The following ACTR3B variants were observed in gnomAD, a reference collection of about 807,000 sequenced individuals.
ACTR3B encodes the protein actin related protein 3B.
ACTR3B carries 8 observed loss-of-function variants against 59.0 expected under a neutral mutation model. The observed-to-expected ratio is 0.14, with a 90% CI of 0.08 to 0.24. The LOEUF (loss-of-function observed/expected upper bound fraction) is 0.24, where lower values mean the gene tolerates loss of function less well. Among genes scored for constraint, ACTR3B ranks in the 10% least tolerant of loss-of-function variants. The pLI, the probability that ACTR3B is intolerant of heterozygous loss-of-function variation, is 1.00. For missense variants in ACTR3B, 245 were observed against 552.3 expected (o/e 0.44, Z 5.58); for synonymous variants, 148 against 197.9 (o/e 0.75, Z 2.12).
At chr7:152,791,211 G>T (rs955661409) in intron 2 of ACTR3B, among the ~76,000 whole-genome samples, 7 of 151,790 alleles carry the variant, frequency 4.6e-5, no homozygotes, top group Admixed American at 1.3e-4. Context: ...GGGTTTCATT[G>T]TGTTGCCCAG....
chr7:152,825,610 C>A (rs1237385401), intron 9 of ACTR3B, among the ~76,000 whole-genome samples: 1 of 152,140 alleles, frequency 6.6e-6, no homozygotes, highest in East Asian at 1.9e-4. Flanking sequence ...AGCCACCATG[C>A]CCGGCCAACT....
chr7:152,828,806 G>A (rs1423660442), intron 9 of ACTR3B, among the ~76,000 whole-genome samples: 1 of 151,868 alleles, frequency 6.6e-6, no homozygotes, highest in Non-Finnish European at 1.5e-5. Context: ...TGGTTCCACA[G>A]CCTCATTTGG....
intron 6 of ACTR3B, among the ~76,000 whole-genome samples, chr7:152,818,341 A>G (rs142496886): frequency 0.024 from 3,724 of 152,348 alleles, 149 homozygotes; most frequent in African/African-American, 0.083. Context: ...TAAAAATTAC[A>G]TTAGTCATTG....
intron 2 of ACTR3B, among the ~76,000 whole-genome samples, chr7:152,792,792 A>T (rs989261377): frequency 1.5e-4 from 23 of 151,984 alleles, no homozygotes; most frequent in African/African-American, 4.8e-4. Flanking sequence ...AACAACAAAA[A>T]TAATGGACTG....
In ACTR3B at chr7:152,825,121, A is replaced by G; in HGVS notation, c.950A>G (p.Lys317Arg). ...CPIDVRRPLY[K>R]NVVLSGGSTM... ...ATCGATGTGCGGCGCCCGCTGTATA[A>G]GGTATGAGCTGCCTGGGTAAGGTAC... The change falls in exon 9 of 12, where the codon AAG becomes AGG. Residue 317 changes from lysine (K) to arginine (R), a missense_variant and splice_region_variant. Physicochemically the swap from Lys to Arg is conservative, Grantham distance 26. Transcript: ENST00000256001. 1 of 1,612,048 alleles carries G rather than the reference A, an allele frequency of 6.2e-7. No individual in the cohort carries two copies. Among genetic ancestry groups the G allele is most frequent in the Non-Finnish European group, 8.5e-7 (1 of 1,179,370 alleles).
chr7:152,820,559 G>A lies in ACTR3B; in HGVS notation c.684+117G>A, dbSNP rs2116853981. On this transcript the variant is annotated intron_variant, in intron 7 of 11. Coordinates refer to ENST00000256001, the MANE Select transcript of ACTR3B (RefSeq NM_020445.6). ...TCCTTCCTCTCCCCTTCCCATGAAT[G>A]TGGGGCTTGATTTGTTTTACCCCTT... The A allele has an allele frequency of 2.0e-6, 3 of 1,463,784 alleles. No individual in the cohort carries two copies. The East Asian group carries it at 7.5e-5, about 36-fold the overall frequency. The allele number at this position is 1,463,784 out of a possible 1,614,324, so 90.7% of individuals were successfully genotyped here.
Position 152,795,846 on chromosome 7 carries a change from G to GTT in ACTR3B, c.101-4672_101-4671dup, listed in dbSNP as rs1211375355. ...TCTGAAAGGCAACTTAGTAGCTCTTGTTTTTTTTTTTTTTGGAGGCGGTGT... is the reference window on the plus strand; with the variant it reads ...TCTGAAAGGCAACTTAGTAGCTCTTGTTTTTTTTTTTTTTTTGGAGGCGGTGT... On this transcript the variant is annotated intron_variant, in intron 2 of 11. Transcript: ENST00000256001. 5.9e-3 allele frequency among the ~76,000 whole-genome samples: 820 copies of GTT among 139,760 alleles called. 2 individuals are homozygous for GTT. Among genetic ancestry groups the GTT allele is most frequent in the Middle Eastern group, 0.011 (3 of 268 alleles). 91.7% of individuals were successfully genotyped at this position (139,760 alleles called of 152,430 possible). A position where few individuals can be genotyped will look rare whatever the true frequency, so the allele number is the denominator to read the frequency against.
intron 1 of ACTR3B, among the ~76,000 whole-genome samples, chr7:152,770,446 A>G (rs1383772150): frequency 6.6e-6 from 1 of 151,604 alleles, no homozygotes; most frequent in Non-Finnish European, 1.5e-5. Context: ...AAAATATAGC[A>G]GGGCATGCTG....
At chr7:152,832,476 A>G (rs1174242216) in intron 9 of ACTR3B, among the ~76,000 whole-genome samples, 1 of 152,344 alleles carries the variant, frequency 6.6e-6, no homozygotes, top group East Asian at 1.9e-4. Flanking sequence ...AAGGATGAGC[A>G]GAGAAAGAAG....
chr7:152,808,146 C>T (rs1050205212), intron 4 of ACTR3B, among the ~76,000 whole-genome samples: 4 of 152,104 alleles, frequency 2.6e-5, no homozygotes, highest in African/African-American at 9.7e-5. Flanking sequence ...CTTTTGTGAC[C>T]AGCTTACTTC....
At position 152,840,825 on chromosome 7, in the gene ACTR3B, C is replaced by T. The variant is rs868341484; in HGVS notation, c.952-11301C>T. On this transcript the variant is annotated intron_variant, in intron 9 of 11. Transcript: ENST00000256001. ...AGTCGGCCCCATGGGTGGTGCAGGA[C>T]GGCTTAGGGCCGGGCGGTTCAGGGG... is the stretch of plus-strand genomic sequence containing the variant. Among the ~76,000 whole-genome samples the T allele has an allele frequency of 8.2e-3, 146 of 17,904 alleles. 3 individuals are homozygous for T. Among genetic ancestry groups the T allele is most frequent in the Non-Finnish European group, 0.014 (104 of 7,394 alleles). 11.7% of individuals were successfully genotyped at this position (17,904 alleles called of 152,430 possible). A position where few individuals can be genotyped will look rare whatever the true frequency, so the allele number is the denominator to read the frequency against.
intron 9 of ACTR3B, among the ~76,000 whole-genome samples, chr7:152,849,016 G>T (rs1039612640): frequency 6.6e-6 from 1 of 152,198 alleles, no homozygotes; most frequent in Non-Finnish European, 1.5e-5. Flanking sequence ...GAAGGCAGGT[G>T]CCCAGTGACC....
In ACTR3B at chr7:152,854,399, G is replaced by T; in HGVS notation, c.1162-59G>T. The T allele has an allele frequency of 6.6e-7, 1 of 1,505,012 alleles. No individual in the cohort carries two copies. The highest frequency in any genetic ancestry group is 1.1e-5 in the South Asian group (1 of 88,660). 93.2% of individuals were successfully genotyped at this position (1,505,012 alleles called of 1,614,324 possible). Reference sequence around the variant, plus strand: ...AGAGTGTCTTGCCTGCTTGGTAGCTGGTTCCCTTGACTTTCTTCTGAAATG... The same window carrying T: ...AGAGTGTCTTGCCTGCTTGGTAGCTTGTTCCCTTGACTTTCTTCTGAAATG... On this transcript the variant is annotated intron_variant, in intron 11 of 11. Transcript: ENST00000256001. The surrounding 1 kb of genome is among the most constrained non-coding windows in gnomAD (Gnocchi z 4.9).
Position 152,770,564 on chromosome 7 carries a change from C to G in ACTR3B, c.44+10638C>G, listed in dbSNP as rs573204684. ...CCAGCTTATATCTGATCAGGAATTG[C>G]TAATATCTAAGATAAGGCATTTCCC... On this transcript the variant is annotated intron_variant, in intron 1 of 11. Transcript: ENST00000256001. 2.6e-5 allele frequency among the ~76,000 whole-genome samples: 4 copies of G among 151,992 alleles called. No individual in the cohort carries two copies. The South Asian group carries it at 6.2e-4, about 24-fold the overall frequency.
At chr7:152,843,187 G>A (rs1309277844) in intron 9 of ACTR3B, among the ~76,000 whole-genome samples, 2 of 151,792 alleles carry the variant, frequency 1.3e-5, no homozygotes, top group Non-Finnish European at 2.9e-5. Flanking sequence ...AGAAATGTAT[G>A]GAAGCCCATT....
chr7:152,824,289 C>T lies in ACTR3B; in HGVS notation c.859-741C>T, dbSNP rs1470936260. 6.6e-6 allele frequency among the ~76,000 whole-genome samples: 1 copy of T among 152,174 alleles called. No homozygotes were observed. The highest frequency in any genetic ancestry group is 1.5e-5 in the Non-Finnish European group (1 of 68,044). Reference sequence around the variant, plus strand: ...TGAATAATAAAATAATAATGATAATCTAGTGAATGCTCACTTTTAATATGT... The same window carrying T: ...TGAATAATAAAATAATAATGATAATTTAGTGAATGCTCACTTTTAATATGT... On this transcript the variant is annotated intron_variant, in intron 8 of 11. Coordinates refer to ENST00000256001, the MANE Select transcript of ACTR3B (RefSeq NM_020445.6). This position sits in a 1 kb window ranked among gnomAD's most constrained non-coding sequence, Gnocchi z 4.2.
At chr7:152,794,275 T>C (rs1167150603) in intron 2 of ACTR3B, among the ~76,000 whole-genome samples, 2 of 152,248 alleles carry the variant, frequency 1.3e-5, no homozygotes, top group African/African-American at 2.4e-5. Flanking sequence ...TGGAGTGCAG[T>C]GGCGTGATCT....
chr7:152,785,447 GGGGAGAGGGGGGAGGGGGAGGGGGA>G (rs2098169783), intron 2 of ACTR3B, among the ~76,000 whole-genome samples: 1 of 4,054 alleles, frequency 2.5e-4, no homozygotes, highest in African/African-American at 1.2e-3. Flanking sequence ...GAGGGGGAGG[GGGGAGAGGGGGGAGGGGGAGGGGGA>G]GGGAGAGAGA....
At chr7:152,839,208 G>T (rs1230721693) in intron 9 of ACTR3B, among the ~76,000 whole-genome samples, 1 of 145,592 alleles carries the variant, frequency 6.9e-6, no homozygotes, top group Admixed American at 6.7e-5. Flanking sequence ...GTCACAGGAA[G>T]GGAGGCAGTG....
Sources: gnomAD v4.1 joint callset for allele counts (sites outside exome capture counted in the v4.1 genomes callset) on GRCh38, gnomAD v4.1.1 for gene constraint, Gnocchi (gnomAD v3.1) non-coding constraint, MANE v1.5 for transcripts, NCBI Gene and HGNC (gene_info 2026-07-23, HGNC 2026-07-21) for gene names.